ZNF710: variants seen among roughly 807,000 people sequenced by gnomAD.
ZNF710 encodes zinc finger protein 710.
ZNF710 carries 13 observed loss-of-function variants against 50.6 expected under a neutral mutation model. That is an observed-to-expected ratio of 0.26 (90% confidence interval 0.17 to 0.41). The LOEUF (loss-of-function observed/expected upper bound fraction) is 0.41, where lower values mean the gene tolerates loss of function less well. Among genes scored for constraint, ZNF710 ranks in the 10% least tolerant of loss-of-function variants. ZNF710 has a pLI of 1.00. For missense variants in ZNF710, 721 were observed against 936.6 expected, an observed-to-expected ratio of 0.77 and a Z score of 3.01; for synonymous variants, 383 against 397.0, an observed-to-expected ratio of 0.96 and a Z score of 0.42.
chr15:90,057,448 C>T (rs1270812551), intron 1 of ZNF710, among the ~76,000 whole-genome samples: 1 of 152,016 alleles, frequency 6.6e-6, no homozygotes, highest in Non-Finnish European at 1.5e-5. Context: ...ATAATCCCAG[C>T]ACTTCGGGAG....
chr15:90,010,371 C>T (rs1305517335), intron 1 of ZNF710, among the ~76,000 whole-genome samples: 3 of 152,202 alleles, frequency 2.0e-5, no homozygotes, highest in African/African-American at 4.8e-5. Flanking sequence ...TCACTGCAAC[C>T]TCCGCCTCCT....
At position 90,040,120 on chromosome 15, in the gene ZNF710, A is replaced by G. The variant is rs144941531; in HGVS notation, c.-28-26990A>G. On this transcript the variant is annotated intron_variant, in intron 1 of 4. Transcript: ENST00000268154. This position sits in a 1 kb window ranked among gnomAD's most constrained non-coding sequence, Gnocchi z 4.6. The stretch of plus-strand genomic sequence containing the variant: ...ACCAGAGCCTGGGGGCACTTTGTGC[A>G]TGGTGGCCATACTGCTGGATGACCA... Among the ~76,000 whole-genome samples, 81 of 152,370 alleles carry G rather than the reference A, an allele frequency of 5.3e-4. 1 individual carries two copies. In the East Asian group the frequency reaches 0.013, roughly 25 times the overall value.
In ZNF710 at chr15:90,007,292, G is replaced by T. The variant is rs546367602; in HGVS notation, c.-29+5678G>T. Among the ~76,000 whole-genome samples, 109 of 152,252 alleles carry T rather than the reference G, an allele frequency of 7.2e-4. 3 individuals are homozygous for T. In the South Asian group the frequency reaches 0.021, roughly 29 times the overall value. On this transcript the variant is annotated intron_variant, in intron 1 of 4. Transcript: ENST00000268154. The stretch of plus-strand genomic sequence containing the variant: ...GGGAGAGAGAGGCACCTGCTCAATA[G>T]TTCCATGCATGGGAACATAATACTT...
chr15:90,050,271 C>A (rs2151506297), intron 1 of ZNF710, among the ~76,000 whole-genome samples: 1 of 152,348 alleles, frequency 6.6e-6, no homozygotes, highest in East Asian at 1.9e-4. Context: ...AGGGGCTCTG[C>A]TGGCATGGAG....
intron 4 of ZNF710, 85 bp downstream of exon 4, chr15:90,074,375 G>A: frequency 6.3e-7 from 1 of 1,588,594 alleles, no homozygotes; most frequent in Non-Finnish European, 8.5e-7. Flanking sequence ...AGAGGAGTGG[G>A]GAGGCTGGCC....
rs553473740 is a variant in ZNF710, at chr15:90,033,573, G to A, written c.-29+31959G>A. ...CTTTTTCCTGTTTTTTTAGAGACAG[G>A]TTCTCACTCTGTTGCCCAGGCTGGA... On this transcript the variant is annotated intron_variant, in intron 1 of 4. Coordinates refer to ENST00000268154, the MANE Select transcript of ZNF710 (RefSeq NM_198526.4). Among the ~76,000 whole-genome samples the A allele has an allele frequency of 1.5e-3, 224 of 152,256 alleles. 1 individual carries two copies. Among genetic ancestry groups the A allele is most frequent in the African/African-American group, 5.1e-3 (212 of 41,554 alleles).
rs114395643 is a variant in ZNF710 at position 90,018,458 on chromosome 15, G to A, written c.-29+16844G>A. 7.0e-3 allele frequency among the ~76,000 whole-genome samples: 1,071 copies of A among 152,250 alleles called. 16 individuals are homozygous for A. The highest frequency in any genetic ancestry group is 0.024 in the African/African-American group (1,017 of 41,554). ...GCTGAGATTACAGGCGTGAGCCACC[G>A]CGCCCAGCTGGGGTTTTCCTACCGT... On this transcript the variant is annotated intron_variant, in intron 1 of 4. Coordinates refer to ENST00000268154, the MANE Select transcript of ZNF710 (RefSeq NM_198526.4).
upstream of ZNF710, among the ~76,000 whole-genome samples, chr15:89,999,064 A>T (rs1271422736): frequency 3.3e-5 from 5 of 152,172 alleles, no homozygotes; most frequent in Admixed American, 3.3e-4. Flanking sequence ...TGACAGTTCT[A>T]AGAACCTGTA....
At chr15:90,050,636 A>G (rs1899610816) in intron 1 of ZNF710, among the ~76,000 whole-genome samples, 1 of 152,188 alleles carries the variant, frequency 6.6e-6, no homozygotes, top group Non-Finnish European at 1.5e-5. Context: ...AGATGAGGAG[A>G]CTGAGGCACA....
intron 1 of ZNF710, among the ~76,000 whole-genome samples, chr15:90,041,422 C>G (rs909003124): frequency 6.6e-6 from 1 of 152,156 alleles, no homozygotes; most frequent in African/African-American, 2.4e-5. Flanking sequence ...AACTCCCAGG[C>G]TCAAGCGATC....
At chr15:90,045,363 C>T (rs1448888327) in intron 1 of ZNF710, 2 of 985,398 alleles carry the variant, frequency 2.0e-6, no homozygotes, top group African/African-American at 1.7e-5. Flanking sequence ...GGACGTGAGC[C>T]ATGGAGAGGT....
At chr15:90,056,045 G>A (rs1792864505) in intron 1 of ZNF710, among the ~76,000 whole-genome samples, 1 of 150,384 alleles carries the variant, frequency 6.6e-6, no homozygotes, top group African/African-American at 2.5e-5. Flanking sequence ...TGAACCAGGA[G>A]GTGGAGGTTG....
intron 2 of ZNF710, among the ~76,000 whole-genome samples, chr15:90,069,921 T>C (rs113169491): frequency 5.3e-5 from 8 of 152,186 alleles, no homozygotes; most frequent in African/African-American, 1.4e-4. Flanking sequence ...GCCCCTTGGG[T>C]CCCACAATCC....
rs1471226020 is a variant in ZNF710 at position 90,071,301 on chromosome 15, A to G, written c.1459-1770A>G. On this transcript the variant is annotated intron_variant, in intron 2 of 4. Coordinates refer to ENST00000268154, the MANE Select transcript of ZNF710 (RefSeq NM_198526.4). The stretch of plus-strand genomic sequence containing the variant: ...AATCCCAAGTCCACAGAGTGTTAAT[A>G]CTGTGAAGAAAAGCTGAAAGCAAAA... 2.6e-5 allele frequency among the ~76,000 whole-genome samples: 4 copies of G among 151,198 alleles called. No homozygotes were observed. The East Asian group carries it at 7.9e-4, about 30-fold the overall frequency.
chr15:90,066,488 T>C (rs1900172335), intron 1 of ZNF710, among the ~76,000 whole-genome samples: 1 of 149,606 alleles, frequency 6.7e-6, no homozygotes, highest in South Asian at 2.1e-4. Flanking sequence ...TTTTTTTTTT[T>C]TTTTTTTGAG....
At chr15:90,045,247 A>G in intron 1 of ZNF710, 1 of 749,460 alleles carries the variant, frequency 1.3e-6, no homozygotes, top group Non-Finnish European at 1.6e-6. Flanking sequence ...TTTGCCAGGC[A>G]GAAAAGCCTT....
intron 1 of ZNF710, among the ~76,000 whole-genome samples, chr15:90,026,649 A>G (rs1263542068): frequency 1.3e-5 from 2 of 152,218 alleles, no homozygotes; most frequent in Admixed American, 6.5e-5. Context: ...TGGGTAGGAA[A>G]TAGAATTCAA....
At chr15:90,037,314 C>T (rs1899158320) in intron 1 of ZNF710, among the ~76,000 whole-genome samples, 1 of 152,220 alleles carries the variant, frequency 6.6e-6, no homozygotes, top group Admixed American at 6.5e-5. Flanking sequence ...TTGGCACTGG[C>T]ATTTGCCCTC....
At chr15:90,052,363 C>G (rs1899672806) in intron 1 of ZNF710, among the ~76,000 whole-genome samples, 2 of 152,172 alleles carry the variant, frequency 1.3e-5, no homozygotes, top group Non-Finnish European at 2.9e-5. Context: ...TTTCTGCAGT[C>G]AATCTCCATT....
Sources: gnomAD v4.1 joint callset for allele counts (sites outside exome capture counted in the v4.1 genomes callset) on GRCh38, gnomAD v4.1.1 for gene constraint, Gnocchi (gnomAD v3.1) non-coding constraint, MANE v1.5 for transcripts, NCBI Gene and HGNC (gene_info 2026-07-23, HGNC 2026-07-21) for gene names.